The following RPS6KC1 variants were observed in gnomAD, a reference collection of about 807,000 sequenced individuals.
RPS6KC1 encodes inactive ribosomal protein S6 kinase delta-1.
In RPS6KC1, 54 loss-of-function variants were observed where a neutral mutation model predicts 103.8. The observed-to-expected ratio is 0.52, with a 90% CI of 0.42 to 0.65. The LOEUF is 0.65. Among genes scored for constraint, RPS6KC1 ranks in the 30% least tolerant of loss-of-function variants. The probability of loss-of-function intolerance (pLI) is 0.00; values close to 1 mark genes in which losing one functional copy is unlikely to be tolerated. For missense variants in RPS6KC1, 1,151 were observed against 1,253.8 expected, an observed-to-expected ratio of 0.92 and a Z score of 1.24; for synonymous variants, 439 against 438.7, an observed-to-expected ratio of 1.00 and a Z score of -0.01.
the RPS6KC1 span, among the ~76,000 whole-genome samples, chr1:213,337,943 A>G: frequency 1.3e-5 from 2 of 152,116 alleles, no homozygotes; most frequent in Non-Finnish European, 2.9e-5. Context: ...AAGCAGGGCT[A>G]GTGAGGGGTG....
the RPS6KC1 span, among the ~76,000 whole-genome samples, chr1:213,322,957 T>C: frequency 8.2e-6 from 1 of 122,442 alleles, no homozygotes; most frequent in Non-Finnish European, 1.6e-5. Flanking sequence ...AGAGACAGGG[T>C]TTCACCATGT....
the RPS6KC1 span, among the ~76,000 whole-genome samples, chr1:213,746,393 A>G: frequency 2.6e-5 from 4 of 152,194 alleles, no homozygotes; most frequent in African/African-American, 9.6e-5. Context: ...AGTGAGGGGC[A>G]CCTGGGGTGT....
At chr1:213,135,662 G>A (rs1203246542) in intron 6 of RPS6KC1, among the ~76,000 whole-genome samples, 1 of 152,086 alleles carries the variant, frequency 6.6e-6, no homozygotes, top group East Asian at 1.9e-4. Context: ...GTCTAATTAA[G>A]ATTTTTAAAA....
chr1:213,800,293 C>T, the RPS6KC1 span, among the ~76,000 whole-genome samples: 1 of 152,184 alleles, frequency 6.6e-6, no homozygotes, highest in Non-Finnish European at 1.5e-5. Flanking sequence ...ACAGTTACAG[C>T]TCTCCTAGAA....
chr1:213,344,670 G>A, the RPS6KC1 span, among the ~76,000 whole-genome samples: 1 of 152,174 alleles, frequency 6.6e-6, no homozygotes, highest in African/African-American at 2.4e-5. Context: ...TAGTAGCTGG[G>A]ACTACAGGTG....
the RPS6KC1 span, among the ~76,000 whole-genome samples, chr1:213,477,005 A>C: frequency 6.6e-6 from 1 of 152,194 alleles, no homozygotes; most frequent in African/African-American, 2.4e-5. Context: ...AGAGGGACAC[A>C]ATTACTCTCA....
chr1:213,464,230 AC>A, the RPS6KC1 span, among the ~76,000 whole-genome samples: 1 of 151,960 alleles, frequency 6.6e-6, no homozygotes, highest in Non-Finnish European at 1.5e-5. Context: ...GTAGCTTTCC[AC>A]CTTTTTTTAT....
At chr1:213,438,310 T>A in the RPS6KC1 span, among the ~76,000 whole-genome samples, 1 of 152,208 alleles carries the variant, frequency 6.6e-6, no homozygotes, top group Non-Finnish European at 1.5e-5. Context: ...AGTCATTTGG[T>A]CTTATCTCCT....
At chr1:213,822,338 CTCTA>C in the RPS6KC1 span, 1 of 152,142 alleles carries the variant, frequency 6.6e-6, no homozygotes, top group African/African-American at 2.4e-5. Context: ...TGAATCTCTT[CTCTA>C]TCTATTCCAC....
intron 8 of RPS6KC1, among the ~76,000 whole-genome samples, chr1:213,197,440 C>T (rs929161289): frequency 6.6e-6 from 1 of 152,030 alleles, no homozygotes; most frequent in Non-Finnish European, 1.5e-5. Context: ...TCCATTTTTT[C>T]GTGTCATCTG....
chr1:213,629,218 A>G, the RPS6KC1 span, among the ~76,000 whole-genome samples: 1 of 152,054 alleles, frequency 6.6e-6, no homozygotes, highest in Non-Finnish European at 1.5e-5. Context: ...GTGGGAGTCT[A>G]AGTCTCTTTG....
intron 8 of RPS6KC1, among the ~76,000 whole-genome samples, chr1:213,195,846 G>GTGTGTGTATA (rs553713944): frequency 5.3e-5 from 8 of 150,838 alleles, no homozygotes; most frequent in African/African-American, 1.7e-4. Flanking sequence ...GTGTGTGTGT[G>GTGTGTGTATA]TATATATATA....
intron 4 of RPS6KC1, among the ~76,000 whole-genome samples, chr1:213,108,586 A>G (rs772195996): frequency 6.6e-6 from 1 of 151,734 alleles, no homozygotes; most frequent in Non-Finnish European, 1.5e-5. Context: ...AAAAATTTTT[A>G]GTGGCAGCTT....
the RPS6KC1 span, among the ~76,000 whole-genome samples, chr1:213,855,726 G>C: frequency 1.5e-3 from 230 of 152,320 alleles, 1 homozygote; most frequent in South Asian, 6.4e-3. Context: ...ACTGCTCCTT[G>C]GCCCTTCAGC....
chr1:213,454,535 A>G, the RPS6KC1 span, among the ~76,000 whole-genome samples: 1 of 152,234 alleles, frequency 6.6e-6, no homozygotes. Flanking sequence ...GACAATCTTG[A>G]TAAATATATT....
chr1:213,137,777 C>CTCTCTCTCTCTCTCTCTA (rs1387641875), intron 6 of RPS6KC1, among the ~76,000 whole-genome samples: 1 of 63,588 alleles, frequency 1.6e-5, no homozygotes, highest in African/African-American at 1.1e-4. Context: ...CTCTCTCTCT[C>CTCTCTCTCTCTCTCTCTA]TATATATATA....
chr1:213,708,266 G>T, the RPS6KC1 span, among the ~76,000 whole-genome samples: 3 of 152,180 alleles, frequency 2.0e-5, no homozygotes, highest in African/African-American at 4.8e-5. Context: ...TCCCTTGTAA[G>T]TTGTATTCCT....
intron 2 of RPS6KC1, among the ~76,000 whole-genome samples, chr1:213,071,321 G>A (rs2078853878): frequency 6.6e-6 from 1 of 152,066 alleles, no homozygotes; most frequent in Admixed American, 6.6e-5. Context: ...TAGAGATGGG[G>A]TTTTACCACG....
the RPS6KC1 span, among the ~76,000 whole-genome samples, chr1:213,434,392 T>G: frequency 2.4e-4 from 37 of 152,348 alleles, no homozygotes; most frequent in Non-Finnish European, 5.9e-5. Flanking sequence ...TTCCACTATT[T>G]TCTCATCTGC....
Sources: allele counts gnomAD v4.1 joint callset (sites outside exome capture counted in the v4.1 genomes callset), GRCh38; gene constraint gnomAD v4.1.1; transcripts MANE v1.5; gene names NCBI Gene and HGNC (gene_info 2026-07-23, HGNC 2026-07-21).